Variants in ZC3H12B observed in about 807,000 individuals in gnomAD.
ZC3H12B encodes the protein probable ribonuclease ZC3H12B.
ZC3H12B carries 7 observed loss-of-function variants against 43.9 expected under a neutral mutation model. The ratio of observed to expected loss-of-function variants is 0.16; its 90% CI spans 0.09 to 0.30. The LOEUF (loss-of-function observed/expected upper bound fraction) is 0.30. Ranked by LOEUF, ZC3H12B falls within the 10% of genes least tolerant of loss-of-function variation. ZC3H12B has a pLI of 1.00. For synonymous variants in ZC3H12B, 222 were observed against 241.7 expected, an observed-to-expected ratio of 0.92 and a Z score of 0.76; for missense variants, 475 against 670.2, an observed-to-expected ratio of 0.71 and a Z score of 3.22.
chrX:65,294,318 A>C, the ZC3H12B span, among the ~76,000 whole-genome samples: 1 of 111,850 alleles, frequency 8.9e-6, no homozygotes, highest in Non-Finnish European at 1.9e-5. Context: ...AGAATTCACC[A>C]CTACCAAGCC....
chrX:65,268,080 G>A, the ZC3H12B span, among the ~76,000 whole-genome samples: 9 of 110,674 alleles, frequency 8.1e-5, no homozygotes, highest in East Asian at 5.7e-4. Flanking sequence ...TGAAAATGGA[G>A]ACATTACAAC....
At chrX:65,151,000 C>A in the ZC3H12B span, among the ~76,000 whole-genome samples, 2 of 111,828 alleles carry the variant, frequency 1.8e-5, no homozygotes, top group African/African-American at 6.5e-5. Flanking sequence ...TGAAAAATAA[C>A]ATGTATAATA....
At chrX:65,332,539 A>T in the ZC3H12B span, among the ~76,000 whole-genome samples, 1 of 111,465 alleles carries the variant, frequency 9.0e-6, no homozygotes, top group African/African-American at 3.3e-5. Flanking sequence ...AACCAAGCTG[A>T]TATGGGGTTG....
At chrX:65,090,538 T>C in the ZC3H12B span, among the ~76,000 whole-genome samples, 1 of 112,105 alleles carries the variant, frequency 8.9e-6, no homozygotes, top group Non-Finnish European at 1.9e-5. Flanking sequence ...TGTTCTTTTT[T>C]TCTAAACAGT....
intron 2 of ZC3H12B, among the ~76,000 whole-genome samples, chrX:65,387,939 T>C (rs2066553520): frequency 8.9e-6 from 1 of 112,247 alleles, no homozygotes; most frequent in Non-Finnish European, 1.9e-5. Context: ...GGTTGAAAAT[T>C]CTTTTCTATA....
the ZC3H12B span, among the ~76,000 whole-genome samples, chrX:65,240,243 C>T: frequency 4.5e-5 from 5 of 111,659 alleles, no homozygotes; most frequent in Non-Finnish European, 9.4e-5. Context: ...TTTACATAGT[C>T]CCATATTTTT....
chrX:65,278,207 C>G, the ZC3H12B span, among the ~76,000 whole-genome samples: 1 of 111,622 alleles, frequency 9.0e-6, no homozygotes, highest in African/African-American at 3.3e-5. Flanking sequence ...TGGACACGTA[C>G]AACACATTCA....
intron 3 of ZC3H12B, among the ~76,000 whole-genome samples, chrX:65,433,104 C>A (rs1451644421): frequency 8.9e-6 from 1 of 112,710 alleles, no homozygotes; most frequent in Non-Finnish European, 1.9e-5. Context: ...AGCTGCATAC[C>A]AGGTACCAGG....
the ZC3H12B span, among the ~76,000 whole-genome samples, chrX:65,309,519 A>G: frequency 1.8e-5 from 2 of 111,949 alleles, no homozygotes; most frequent in African/African-American, 3.2e-5. Flanking sequence ...CTACCAATCA[A>G]AAAAATTCCA....
At chrX:65,197,767 A>G in the ZC3H12B span, among the ~76,000 whole-genome samples, 1 of 112,529 alleles carries the variant, frequency 8.9e-6, no homozygotes, top group African/African-American at 3.2e-5. Flanking sequence ...TGGAGACCAC[A>G]CAATTCAATC....
chrX:65,188,450 C>T, the ZC3H12B span, among the ~76,000 whole-genome samples: 1 of 107,900 alleles, frequency 9.3e-6, no homozygotes, highest in African/African-American at 3.4e-5. Context: ...ACAACGTTTC[C>T]CTTTCCTCCA....
At chrX:65,081,936 A>G in the ZC3H12B span, among the ~76,000 whole-genome samples, 1 of 112,243 alleles carries the variant, frequency 8.9e-6, no homozygotes, top group Non-Finnish European at 1.9e-5. Flanking sequence ...TGTGACCACA[A>G]TGGAATAAAA....
At chrX:65,220,677 C>T in the ZC3H12B span, among the ~76,000 whole-genome samples, 221 of 111,835 alleles carry the variant, frequency 2.0e-3, 2 homozygotes, top group African/African-American at 5.0e-3. Flanking sequence ...ATGCACCTAA[C>T]GCTGGAACTC....
At chrX:65,390,714 G>A (rs963321958) in intron 2 of ZC3H12B, among the ~76,000 whole-genome samples, 1 of 108,594 alleles carries the variant, frequency 9.2e-6, no homozygotes, top group Non-Finnish European at 1.9e-5. Flanking sequence ...CGGCACTATG[G>A]ATCAAATATA....
At chrX:65,163,153 C>A in the ZC3H12B span, among the ~76,000 whole-genome samples, 13 of 110,509 alleles carry the variant, frequency 1.2e-4, 1 homozygote, top group Non-Finnish European at 2.3e-4. Flanking sequence ...AATACCTGGG[C>A]GTGTGAGGTG....
chrX:65,141,688 C>T, the ZC3H12B span, among the ~76,000 whole-genome samples: 1 of 110,409 alleles, frequency 9.1e-6, no homozygotes, highest in South Asian at 3.9e-4. Flanking sequence ...CCCCTAAGTC[C>T]CCAACATCCA....
chrX:65,035,256 A>C, the ZC3H12B span, among the ~76,000 whole-genome samples: 5 of 111,833 alleles, frequency 4.5e-5, no homozygotes. Flanking sequence ...GACGGGGACC[A>C]TAGGAGAGTA....
chrX:65,410,365 G>A (rs1481098977), intron 3 of ZC3H12B, among the ~76,000 whole-genome samples: 5 of 111,702 alleles, frequency 4.5e-5, no homozygotes, highest in East Asian at 2.8e-4. Flanking sequence ...AAACTACTAC[G>A]AGAAAACATT....
the ZC3H12B span, among the ~76,000 whole-genome samples, chrX:65,159,059 G>C: frequency 2.0e-4 from 22 of 111,526 alleles, no homozygotes; most frequent in Non-Finnish European, 4.0e-4. Flanking sequence ...TTTTTCTCAG[G>C]TTTGTCAAAG....
Sources: allele counts gnomAD v4.1 joint callset (sites outside exome capture counted in the v4.1 genomes callset), GRCh38; gene constraint gnomAD v4.1.1; transcripts MANE v1.5; gene names NCBI Gene and HGNC (gene_info 2026-07-23, HGNC 2026-07-21).